Variants in EPHA6 observed in about 807,000 individuals in gnomAD.
EPHA6 encodes ephrin type-A receptor 6.
Under a neutral mutation model 112.0 loss-of-function variants are expected in EPHA6, and 50 were observed. The observed-to-expected ratio is 0.45, with a 90% CI of 0.36 to 0.56. The LOEUF (loss-of-function observed/expected upper bound fraction) is 0.56, where lower values mean the gene tolerates loss of function less well. EPHA6 is among the 20% of genes least tolerant of loss of function. The pLI is 0.00. For synonymous variants in EPHA6, 529 were observed against 490.7 expected (o/e 1.08, Z -1.03); for missense variants, 1,280 against 1,417.4 (o/e 0.90, Z 1.56).
intron 6 of EPHA6, among the ~76,000 whole-genome samples, chr3:97,446,414 GGT>G (rs2107308275): frequency 6.6e-6 from 1 of 152,204 alleles, no homozygotes; most frequent in Non-Finnish European, 1.5e-5. Flanking sequence ...GCCTGCAAAA[GGT>G]GTCCTTTATT....
chr3:97,185,913 G>A (rs1352656274), intron 3 of EPHA6, among the ~76,000 whole-genome samples: 6 of 151,912 alleles, frequency 3.9e-5, no homozygotes, highest in African/African-American at 1.5e-4. Context: ...TCCTTTGTAG[G>A]GACATGGATG....
intron 2 of EPHA6, among the ~76,000 whole-genome samples, chr3:96,940,855 T>C (rs954056716): frequency 2.0e-5 from 3 of 152,216 alleles, no homozygotes; most frequent in Non-Finnish European, 4.4e-5. Context: ...CCTCCACTTA[T>C]GAAGCTTAGT....
At chr3:97,747,844 C>T (rs2035780542) in intron 17 of EPHA6, among the ~76,000 whole-genome samples, 1 of 152,008 alleles carries the variant, frequency 6.6e-6, no homozygotes, top group Non-Finnish European at 1.5e-5. Context: ...TTTATGTCAA[C>T]TTAATTTTAC....
chr3:97,554,771 A>G (rs2093079126), intron 11 of EPHA6, among the ~76,000 whole-genome samples: 1 of 151,938 alleles, frequency 6.6e-6, no homozygotes, highest in Non-Finnish European at 1.5e-5. Flanking sequence ...AGGCTGGGAA[A>G]TGTAGTCTGT....
intron 11 of EPHA6, among the ~76,000 whole-genome samples, chr3:97,580,935 G>C (rs35482009): frequency 6.6e-6 from 1 of 152,058 alleles, no homozygotes; most frequent in African/African-American, 2.4e-5. Context: ...ACTTTGCTTC[G>C]AGGCCATAGT....
At chr3:97,374,469 C>G (rs1325242578) in intron 5 of EPHA6, among the ~76,000 whole-genome samples, 1 of 152,106 alleles carries the variant, frequency 6.6e-6, no homozygotes, top group Non-Finnish European at 1.5e-5. Flanking sequence ...GACAAGCCAC[C>G]TTACACATTA....
intron 13 of EPHA6, among the ~76,000 whole-genome samples, chr3:97,625,503 A>AT (rs772870444): frequency 3.3e-5 from 5 of 151,294 alleles, no homozygotes; most frequent in Non-Finnish European, 5.9e-5. Flanking sequence ...ATTTTGTTCT[A>AT]TTTTTCTTGG....
chr3:97,191,352 A>G (rs761765407), intron 3 of EPHA6, among the ~76,000 whole-genome samples: 6 of 151,998 alleles, frequency 3.9e-5, no homozygotes, highest in Non-Finnish European at 8.8e-5. Flanking sequence ...TTATTTTTAA[A>G]TATACAATAA....
intron 15 of EPHA6, among the ~76,000 whole-genome samples, chr3:97,723,531 G>A (rs2034623654): frequency 6.6e-6 from 1 of 152,132 alleles, no homozygotes; most frequent in Non-Finnish European, 1.5e-5. Flanking sequence ...ATTCGTTCAG[G>A]ATTGCCAATG....
At chr3:97,581,258 GA>G (rs2093435123) in intron 11 of EPHA6, among the ~76,000 whole-genome samples, 1 of 152,226 alleles carries the variant, frequency 6.6e-6, no homozygotes, top group African/African-American at 2.4e-5. Context: ...GAGATATCAA[GA>G]GGGACTTGAC....
At chr3:96,918,212 T>C (rs1189806740) in intron 2 of EPHA6, among the ~76,000 whole-genome samples, 1 of 152,102 alleles carries the variant, frequency 6.6e-6, no homozygotes, top group Non-Finnish European at 1.5e-5. Flanking sequence ...TGTTAGAGAT[T>C]TACTCAGATG....
chr3:97,740,809 G>A (rs1417969241), intron 16 of EPHA6, among the ~76,000 whole-genome samples: 1 of 151,856 alleles, frequency 6.6e-6, no homozygotes, highest in Non-Finnish European at 1.5e-5. Context: ...AGAAGATTTT[G>A]TTCAATGCCA....
In EPHA6 at chr3:97,139,204, G is replaced by A. The variant is rs996772613; in HGVS notation, c.1115-87060G>A. Among the ~76,000 whole-genome samples, 5 of 152,114 alleles carry A rather than the reference G, an allele frequency of 3.3e-5. No individual in the cohort carries two copies. In the East Asian group the frequency reaches 5.8e-4, roughly 18 times the overall value. On this transcript the variant is annotated intron_variant, in intron 3 of 17. Transcript: ENST00000389672. ...AGCACCAGGGCCCTGCCCATTACCA[G>A]GGACACCCCAGAAATTCTCTTGATT... is the stretch of plus-strand genomic sequence containing the variant.
chr3:97,085,676 G>A (rs1034735901), intron 3 of EPHA6, among the ~76,000 whole-genome samples: 2 of 151,918 alleles, frequency 1.3e-5, no homozygotes, highest in Admixed American at 6.6e-5. Flanking sequence ...TAGAGTAATA[G>A]TATGAGGTAA....
chr3:97,266,477 CAT>C (rs1320651018), intron 5 of EPHA6, among the ~76,000 whole-genome samples: 1 of 151,540 alleles, frequency 6.6e-6, no homozygotes, highest in Non-Finnish European at 1.5e-5. Flanking sequence ...AAGAGGATCT[CAT>C]GTTTAAAAAA....
chr3:96,841,444 G>A (rs376536380), intron 1 of EPHA6, among the ~76,000 whole-genome samples: 21 of 151,994 alleles, frequency 1.4e-4, no homozygotes, highest in East Asian at 9.7e-4. Flanking sequence ...TTCCAAACAC[G>A]TGTTAGGATC....
intron 2 of EPHA6, among the ~76,000 whole-genome samples, chr3:96,936,941 C>A (rs1253197509): frequency 7.2e-5 from 11 of 152,042 alleles, no homozygotes. Flanking sequence ...CCATGAACTA[C>A]TCCTTTTTTA....
intron 3 of EPHA6, among the ~76,000 whole-genome samples, chr3:97,064,552 G>C (rs2046120722): frequency 6.6e-6 from 1 of 152,146 alleles, no homozygotes; most frequent in African/African-American, 2.4e-5. Flanking sequence ...ATCTGGTCCA[G>C]TGCCTGACAC....
chr3:97,115,520 A>G (rs1424101456), intron 3 of EPHA6, among the ~76,000 whole-genome samples: 1 of 151,818 alleles, frequency 6.6e-6, no homozygotes, highest in Non-Finnish European at 1.5e-5. Flanking sequence ...CTTTGGCAGA[A>G]CCAGATCTGT....
Sources: gnomAD v4.1 joint callset for allele counts (sites outside exome capture counted in the v4.1 genomes callset) on GRCh38, gnomAD v4.1.1 for gene constraint, MANE v1.5 for transcripts, NCBI Gene and HGNC (gene_info 2026-07-23, HGNC 2026-07-21) for gene names.